Variants in MYOM2 observed in about 807,000 individuals in gnomAD.
MYOM2 encodes the protein myomesin-2.
Under a neutral mutation model 187.6 loss-of-function variants are expected in MYOM2, and 254 were observed. That is an observed-to-expected ratio of 1.35 (90% CI 1.22 to 1.50). The LOEUF is 1.50. MYOM2 is among the 40% of genes most tolerant of loss of function. The pLI is 0.00. For missense variants in MYOM2, 2,796 were observed against 1,924.0 expected (o/e 1.45, Z -8.48); for synonymous variants, 981 against 753.8 (o/e 1.30, Z -4.94).
In MYOM2 at chr8:2,106,189, G is replaced by A. The variant is rs902603330; in HGVS notation, c.2735-53G>A. ...CCATATCACCCTCTCCCAAAAGAGA[G>A]TTGAAAGAACACCGTGTCCCTAAGC... On this transcript the variant is annotated intron_variant, in intron 21 of 36. Coordinates refer to ENST00000262113, the MANE Select transcript of MYOM2 (RefSeq NM_003970.4). 3.2e-6 allele frequency: 5 copies of A among 1,568,726 alleles called. No individual in the cohort carries two copies. The African/African-American group carries it at 6.8e-5, about 21-fold the overall frequency.
At chr8:2,135,691 A>T (rs1798044816) in intron 32 of MYOM2, among the ~76,000 whole-genome samples, 1 of 152,238 alleles carries the variant, frequency 6.6e-6, no homozygotes, top group Non-Finnish European at 1.5e-5. Flanking sequence ...ATGTTTTGTA[A>T]TCAAGTAATA....
chr8:2,067,537 T>C (rs1418009406), intron 6 of MYOM2, among the ~76,000 whole-genome samples: 3 of 152,210 alleles, frequency 2.0e-5, no homozygotes, highest in Non-Finnish European at 4.4e-5. Flanking sequence ...GTGAAGTGAC[T>C]TGAGGAGGGC....
rs777160311 is a variant in MYOM2 at position 2,106,564 on chromosome 8, G to T, written c.2965G>T (p.Gly989Ter). 14 of 1,609,192 alleles carry T rather than the reference G, an allele frequency of 8.7e-6. No individual in the cohort carries two copies. Among genetic ancestry groups the T allele is most frequent in the Admixed American group, 1.7e-5 (1 of 59,920 alleles). Residue 989 changes from glycine to a stop codon, truncating the protein, a stop_gained, in exon 23 of 37, where the codon GGA (glycine) becomes TGA (stop). Transcript: ENST00000262113. LOFTEE classifies it high-confidence loss of function. ...CTCCGTGTCTGTAAGTGATACAGAC[G>T]GAGTGTCCTCCAGTTTTGTTCTGGA... ...TYSVSVSDTDGVSSSFVLDPE... is the reference protein window; with the variant it reads ...TYSVSVSDTD
intron 35 of MYOM2, among the ~76,000 whole-genome samples, chr8:2,142,716 C>T (rs1362280804): frequency 6.8e-5 from 1 of 14,734 alleles, no homozygotes. Context: ...TTCCCTCCCT[C>T]CCTCCCTCCC....
In MYOM2 at chr8:2,092,452, C is replaced by G; in HGVS notation, c.1935C>G (p.Tyr645Ter). Residue 645 changes from tyrosine to a stop codon, truncating the protein, a stop_gained, in exon 16 of 37, where the codon TAC (tyrosine) becomes TAG (stop). Transcript: ENST00000262113. LOFTEE classifies it high-confidence loss of function. ...PKHEEDLLGYYVDCCVAGTNL... is the reference protein window; with the variant it reads ...PKHEEDLLGY ...ATGAGGAGGACCTGCTGGGCTACTA[C>G]GTGGACTGCTGTGTGGCCGGAACCA... 1 of 1,614,132 alleles carries G rather than the reference C, an allele frequency of 6.2e-7. No individual in the cohort carries two copies.
At chr8:2,076,474 C>A in intron 11 of MYOM2, 192 bp downstream of exon 11, 1 of 694,768 alleles carries the variant, frequency 1.4e-6, no homozygotes, top group Non-Finnish European at 2.3e-6. Context: ...CTGAGCCCAG[C>A]ATAACCACAC....
chr8:2,110,963 T>G (rs776817733), intron 25 of MYOM2, among the ~76,000 whole-genome samples: 4 of 152,182 alleles, frequency 2.6e-5, no homozygotes, highest in African/African-American at 9.7e-5. Flanking sequence ...ACATCTAGCT[T>G]CTTTTGGGCT....
At chr8:2,132,297 C>T (rs959964892) in intron 32 of MYOM2, among the ~76,000 whole-genome samples, 2 of 149,284 alleles carry the variant, frequency 1.3e-5, no homozygotes, top group African/African-American at 5.1e-5. Context: ...TTGTGAAATG[C>T]GGACGTAAGC....
intron 11 of MYOM2, among the ~76,000 whole-genome samples, 196 bp from the exon 12 acceptor site, chr8:2,078,538 A>C (rs573255669): frequency 1.4e-4 from 22 of 152,180 alleles, no homozygotes; most frequent in Non-Finnish European, 2.5e-4. Flanking sequence ...TACATATAAT[A>C]TATATATTGC....
intron 11 of MYOM2, among the ~76,000 whole-genome samples, chr8:2,077,317 A>G (rs1054129933): frequency 2.0e-5 from 3 of 152,302 alleles, no homozygotes; most frequent in African/African-American, 4.8e-5. Context: ...ATCAAAAAAA[A>G]CAAAACAAAA....
chr8:2,145,012 T>C lies in MYOM2; in HGVS notation c.*31T>C. The C allele has an allele frequency of 6.2e-7, 1 of 1,607,740 alleles. No homozygotes were observed. The highest frequency in any genetic ancestry group is 1.1e-5 in the South Asian group (1 of 90,592). ...TTTTCCTAGCCTGGAGATGGGAAAA[T>C]ATGCTTGGCAGAGACAGGAATGCTG... On this transcript the variant is annotated 3_prime_UTR_variant, in exon 37 of 37. Transcript: ENST00000262113.
intron 28 of MYOM2, among the ~76,000 whole-genome samples, chr8:2,120,495 G>C (rs1278919459): frequency 1.3e-5 from 2 of 150,630 alleles, no homozygotes; most frequent in African/African-American, 2.4e-5. Flanking sequence ...ACCCGGGCAA[G>C]GGGATTTGCA....
Position 2,092,451 on chromosome 8 carries a change from A to G in MYOM2, c.1934A>G (p.Tyr645Cys), listed in dbSNP as rs1372597658. The change falls in exon 16 of 37, where the codon TAC (tyrosine) becomes TGC (cysteine). Residue 645 changes from tyrosine to cysteine, a missense_variant. Coordinates refer to ENST00000262113, the MANE Select transcript of MYOM2 (RefSeq NM_003970.4). Reference sequence around the variant, plus strand: ...CATGAGGAGGACCTGCTGGGCTACTACGTGGACTGCTGTGTGGCCGGAACC... The same window carrying G: ...CATGAGGAGGACCTGCTGGGCTACTGCGTGGACTGCTGTGTGGCCGGAACC... ...PKHEEDLLGY[Y>C]VDCCVAGTNL... The G allele has an allele frequency of 1.9e-6, 3 of 1,614,038 alleles. No homozygotes were observed. The highest frequency in any genetic ancestry group is 2.5e-6 in the Non-Finnish European group (3 of 1,180,032).
intron 6 of MYOM2, among the ~76,000 whole-genome samples, chr8:2,064,707 C>G (rs1183350748): frequency 6.6e-6 from 1 of 152,218 alleles, no homozygotes; most frequent in Non-Finnish European, 1.5e-5. Context: ...GCTCCTTGCC[C>G]TTTGGGAGAG....
rs1413689736 is a variant in MYOM2 at position 2,145,017 on chromosome 8, T to G, written c.*36T>G. On this transcript the variant is annotated 3_prime_UTR_variant, in exon 37 of 37. Transcript: ENST00000262113. ...CTAGCCTGGAGATGGGAAAATATGC[T>G]TGGCAGAGACAGGAATGCTGTGTGC... 1 of 1,607,196 alleles carries G rather than the reference T, an allele frequency of 6.2e-7. No individual in the cohort carries two copies. The highest frequency in any genetic ancestry group is 1.1e-5 in the South Asian group (1 of 90,616).
intron 32 of MYOM2, among the ~76,000 whole-genome samples, chr8:2,134,405 C>G (rs929350003): frequency 5.3e-5 from 8 of 152,214 alleles, no homozygotes; most frequent in African/African-American, 1.9e-4. Context: ...TACCTGATCA[C>G]TGGGTTAAGG....
chr8:2,135,090 C>T (rs568380986), intron 32 of MYOM2, among the ~76,000 whole-genome samples: 2 of 152,278 alleles, frequency 1.3e-5, no homozygotes, highest in South Asian at 4.2e-4. Flanking sequence ...AGCCTTGTTC[C>T]TTTCCTGAGC....
At chr8:2,066,704 G>A (rs534936254) in intron 6 of MYOM2, among the ~76,000 whole-genome samples, 7 of 152,322 alleles carry the variant, frequency 4.6e-5, no homozygotes, top group African/African-American at 7.2e-5. Context: ...GTGGGGATGC[G>A]TATGTGAGTA....
chr8:2,112,440 C>T (rs138609042), intron 25 of MYOM2, among the ~76,000 whole-genome samples: 1 of 151,704 alleles, frequency 6.6e-6, no homozygotes. Context: ...TGAGACATTC[C>T]AAGCCGCTCT....
Sources: allele counts gnomAD v4.1 joint callset (sites outside exome capture counted in the v4.1 genomes callset), GRCh38; gene constraint gnomAD v4.1.1; transcripts MANE v1.5; gene names NCBI Gene and HGNC (gene_info 2026-07-23, HGNC 2026-07-21).